Variants in TECRL observed in about 807,000 individuals in gnomAD.
TECRL encodes trans-2,3-enoyl-CoA reductase-like.
A neutral mutation model predicts 52.8 loss-of-function variants in TECRL; 63 were observed. The ratio of observed to expected loss-of-function variants is 1.19; its 90% CI spans 0.97 to 1.47. The LOEUF is 1.47. Among genes scored for constraint, TECRL ranks in the 40% most tolerant of loss-of-function variants. The probability of loss-of-function intolerance (pLI) is 0.00; values close to 1 mark genes in which losing one functional copy is unlikely to be tolerated. For synonymous variants in TECRL, 164 were observed against 141.9 expected, an observed-to-expected ratio of 1.16 and a Z score of -1.10; for missense variants, 482 against 429.6, an observed-to-expected ratio of 1.12 and a Z score of -1.08.
chr4:64,287,305 A>G (rs1160311281), intron 9 of TECRL, among the ~76,000 whole-genome samples: 1 of 152,170 alleles, frequency 6.6e-6, no homozygotes, highest in African/African-American at 2.4e-5. Context: ...CTTATATTAT[A>G]GCTTTTTCAT....
chr4:64,318,548 A>G (rs1254600370), intron 4 of TECRL, among the ~76,000 whole-genome samples: 3 of 152,052 alleles, frequency 2.0e-5, no homozygotes, highest in Admixed American at 1.3e-4. Context: ...TGTGCATATC[A>G]TAGTCAAATT....
At chr4:64,378,591 G>A (rs1487394367) in intron 1 of TECRL, among the ~76,000 whole-genome samples, 1 of 151,996 alleles carries the variant, frequency 6.6e-6, no homozygotes, top group Non-Finnish European at 1.5e-5. Context: ...TTCTCAGTAA[G>A]CAAATGTTAT....
chr4:64,382,087 T>C (rs1208875515), intron 1 of TECRL, among the ~76,000 whole-genome samples: 2 of 151,144 alleles, frequency 1.3e-5, no homozygotes, highest in African/African-American at 4.9e-5. Flanking sequence ...TGTTGAGAGA[T>C]GTTTTATTAC....
chr4:64,287,139 G>A (rs1723120243), intron 9 of TECRL, among the ~76,000 whole-genome samples: 1 of 151,872 alleles, frequency 6.6e-6, no homozygotes, highest in Non-Finnish European at 1.5e-5. Context: ...AACAGCATTG[G>A]CCTTACATGT....
chr4:64,301,552 A>G (rs1475161657), intron 7 of TECRL, among the ~76,000 whole-genome samples: 1 of 151,272 alleles, frequency 6.6e-6, no homozygotes, highest in African/African-American at 2.4e-5. Context: ...TCTGACCCAG[A>G]AAAGTACTAA....
intron 7 of TECRL, among the ~76,000 whole-genome samples, chr4:64,302,411 A>G (rs1004510427): frequency 1.3e-5 from 2 of 151,330 alleles, no homozygotes; most frequent in African/African-American, 4.8e-5. Flanking sequence ...AGCAGTGTCA[A>G]CTATGACGAA....
At chr4:64,395,181 A>T (rs750782745) in intron 1 of TECRL, among the ~76,000 whole-genome samples, 1 of 151,864 alleles carries the variant, frequency 6.6e-6, no homozygotes, top group African/African-American at 2.4e-5. Context: ...CAGCCCCCCA[A>T]ATTGCTGGGA....
At chr4:64,366,163 T>C (rs990679066) in intron 2 of TECRL, among the ~76,000 whole-genome samples, 1 of 152,088 alleles carries the variant, frequency 6.6e-6, no homozygotes, top group Non-Finnish European at 1.5e-5. Flanking sequence ...AAACGGCACA[T>C]GGATAACTGG....
intron 2 of TECRL, among the ~76,000 whole-genome samples, chr4:64,345,266 G>A (rs749604857): frequency 5.3e-5 from 8 of 152,056 alleles, no homozygotes; most frequent in African/African-American, 1.4e-4. Flanking sequence ...GTTTATTGCG[G>A]CACTATTCAC....
chr4:64,365,750 A>C (rs1002419532), intron 2 of TECRL, among the ~76,000 whole-genome samples: 11 of 152,238 alleles, frequency 7.2e-5, no homozygotes, highest in Admixed American at 2.6e-4. Flanking sequence ...AAACAAAAAA[A>C]AATTACATGC....
intron 5 of TECRL, among the ~76,000 whole-genome samples, chr4:64,311,546 G>C (rs1039566639): frequency 9.9e-5 from 15 of 152,092 alleles, no homozygotes; most frequent in African/African-American, 3.1e-4. Flanking sequence ...CAGCAATGTA[G>C]CAGAGCCCTA....
chr4:64,340,988 G>A (rs1273820648), intron 2 of TECRL, among the ~76,000 whole-genome samples: 3 of 152,112 alleles, frequency 2.0e-5, no homozygotes, highest in Non-Finnish European at 4.4e-5. Flanking sequence ...ACAGCAGGAT[G>A]ACCTGCTTGC....
At chr4:64,298,476 CTT>C (rs994789661) in intron 8 of TECRL, among the ~76,000 whole-genome samples, 3 of 150,874 alleles carry the variant, frequency 2.0e-5, no homozygotes, top group Non-Finnish European at 3.0e-5. Context: ...AATTATGCCT[CTT>C]AACATTTTAT....
intron 2 of TECRL, among the ~76,000 whole-genome samples, chr4:64,366,955 T>G (rs1207108758): frequency 6.6e-6 from 1 of 152,100 alleles, no homozygotes; most frequent in Non-Finnish European, 1.5e-5. Flanking sequence ...GCAGCACTAT[T>G]CACAATAGCA....
chr4:64,383,465 TTGTC>T (rs1048119370), intron 1 of TECRL, among the ~76,000 whole-genome samples: 17 of 152,020 alleles, frequency 1.1e-4, no homozygotes, highest in African/African-American at 3.1e-4. Context: ...TCTTTTCTTT[TTGTC>T]TGTCTGTGTT....
At chr4:64,284,730 G>C (rs1167752181) in intron 9 of TECRL, among the ~76,000 whole-genome samples, 1 of 152,058 alleles carries the variant, frequency 6.6e-6, no homozygotes, top group East Asian at 1.9e-4. Context: ...AATGTCTCTA[G>C]AAGCTAGATA....
At chr4:64,338,208 C>A (rs1223413585) in intron 2 of TECRL, among the ~76,000 whole-genome samples, 2 of 152,110 alleles carry the variant, frequency 1.3e-5, no homozygotes, top group African/African-American at 4.8e-5. Flanking sequence ...ACAAATGGTG[C>A]TGGGAAAACT....
At chr4:64,335,422 G>A (rs2930045) in intron 2 of TECRL, among the ~76,000 whole-genome samples, 6,145 of 152,224 alleles carry the variant, frequency 0.04, 155 homozygotes, top group African/African-American at 0.063. Flanking sequence ...CAAGTTCAGG[G>A]CTGCCACTGA....
At chr4:64,280,978 C>A in intron 11 of TECRL, 63 bp downstream of exon 11, 1 of 1,262,656 alleles carries the variant, frequency 7.9e-7, no homozygotes, top group Non-Finnish European at 1.1e-6. Context: ...AACTTTTTCT[C>A]AGAAACCATT....
Sources: allele counts gnomAD v4.1 joint callset (sites outside exome capture counted in the v4.1 genomes callset), GRCh38; gene constraint gnomAD v4.1.1; transcripts MANE v1.5; gene names NCBI Gene and HGNC (gene_info 2026-07-23, HGNC 2026-07-21).